Variants in DPH5 observed in about 807,000 individuals in gnomAD.
DPH5 encodes the protein diphthine methyl ester synthase.
Under a neutral mutation model 31.6 loss-of-function variants are expected in DPH5, and 31 were observed. The ratio of observed to expected loss-of-function variants is 0.98; its 90% CI spans 0.74 to 1.32. The LOEUF (loss-of-function observed/expected upper bound fraction) is 1.32, where lower values mean the gene tolerates loss of function less well. DPH5 is among the 40% of genes most tolerant of loss of function. The pLI is 0.00. For missense variants in DPH5, 309 were observed against 335.7 expected, an observed-to-expected ratio of 0.92 and a Z score of 0.62; for synonymous variants, 120 against 115.0, an observed-to-expected ratio of 1.04 and a Z score of -0.28.
intron 4 of DPH5, among the ~76,000 whole-genome samples, chr1:101,006,991 C>T (rs1427354607): frequency 6.7e-6 from 1 of 150,354 alleles, no homozygotes; most frequent in Admixed American, 6.6e-5. Flanking sequence ...CATTTATCTG[C>T]CTTTTAAAAT....
intron 5 of DPH5, among the ~76,000 whole-genome samples, chr1:100,999,673 T>C (rs1472825642): frequency 6.6e-6 from 1 of 151,846 alleles, no homozygotes; most frequent in Non-Finnish European, 1.5e-5. Flanking sequence ...ACCCCATCTT[T>C]ACTAAAAATA....
Position 101,025,305 on chromosome 1 carries a change from C to CT in DPH5, c.135+3dup, listed in dbSNP as rs1660743517. 1.2e-6 allele frequency: 2 copies of CT among 1,613,766 alleles called. No individual in the cohort carries two copies. Among genetic ancestry groups the CT allele is most frequent in the African/African-American group, 2.7e-5 (2 of 74,922 alleles). On this transcript the variant is annotated splice_donor_region_variant and intron_variant, in intron 2 of 7. Coordinates refer to ENST00000370109, the MANE Select transcript of DPH5 (RefSeq NM_015958.3). Reference sequence around the variant, plus strand: ...CAGGAGGCTGGGGAACGCTCAGCACCTACCAAGGCTTCCTTCCCTACAGTT... The same window carrying CT: ...CAGGAGGCTGGGGAACGCTCAGCACCTTACCAAGGCTTCCTTCCCTACAGTT...
chr1:101,022,201 T>C (rs1660507080), intron 2 of DPH5, among the ~76,000 whole-genome samples: 1 of 152,140 alleles, frequency 6.6e-6, no homozygotes, highest in African/African-American at 2.4e-5. Flanking sequence ...TTTTCAATGG[T>C]TAAACATATG....
intron 4 of DPH5, among the ~76,000 whole-genome samples, chr1:101,006,535 C>T (rs191246989): frequency 1.9e-4 from 29 of 152,126 alleles, no homozygotes; most frequent in South Asian, 1.0e-3. Flanking sequence ...TCTAAGACCA[C>T]GGAAGGATAT....
chr1:100,990,294 A>C lies in DPH5; in HGVS notation c.*114T>G. 1.1e-6 allele frequency: 1 copy of C among 950,104 alleles called. No individual in the cohort carries two copies. The highest frequency in any genetic ancestry group is 1.5e-5 in the South Asian group (1 of 65,744). 58.9% of individuals were successfully genotyped at this position (950,104 alleles called of 1,614,324 possible). A position where few individuals can be genotyped will look rare whatever the true frequency, so the allele number is the denominator to read the frequency against. ...CCATGATTCAATTACCTACCACAAC[A>C]CCTGGGAATTATGAGGATTAAAATT... On this transcript the variant is annotated 3_prime_UTR_variant, in exon 8 of 8. Coordinates refer to ENST00000370109, the MANE Select transcript of DPH5 (RefSeq NM_015958.3).
chr1:101,001,411 T>G, intron 5 of DPH5, 56 bp downstream of exon 5: 318 of 1,555,758 alleles, frequency 2.0e-4, no homozygotes, highest in Non-Finnish European at 2.6e-4. Flanking sequence ...AAAATCAAAA[T>G]GAGAACAGTA....
intron 5 of DPH5, among the ~76,000 whole-genome samples, chr1:101,000,649 C>T (rs556648469): frequency 6.6e-6 from 1 of 152,296 alleles, no homozygotes; most frequent in African/African-American, 2.4e-5. Flanking sequence ...AGTATCATTG[C>T]AAAGTCATCA....
At chr1:101,001,310 C>T (rs1435009119) in intron 5 of DPH5, among the ~76,000 whole-genome samples, 157 bp downstream of exon 5, 1 of 152,192 alleles carries the variant, frequency 6.6e-6, no homozygotes, top group East Asian at 1.9e-4. Context: ...ATGCGTGTCT[C>T]TCTAAGAGCA....
intron 2 of DPH5, among the ~76,000 whole-genome samples, 192 bp from the exon 3 acceptor site, chr1:101,021,957 TA>T (rs1207534091): frequency 6.6e-6 from 1 of 152,134 alleles, no homozygotes; most frequent in Non-Finnish European, 1.5e-5. Context: ...ATGTTGCAAT[TA>T]AACTCTGTAT....
chr1:101,025,009 C>G, intron 2 of DPH5: 1 of 279,592 alleles, frequency 3.6e-6, no homozygotes, highest in Middle Eastern at 1.1e-3. Context: ...GGTTTCTTGA[C>G]TACCTCATGA....
chr1:101,008,713 C>G (rs1051941892), intron 4 of DPH5, among the ~76,000 whole-genome samples: 1 of 152,224 alleles, frequency 6.6e-6, no homozygotes, highest in African/African-American at 2.4e-5. Flanking sequence ...CCAAGACTCT[C>G]TCTTTTAACT....
intron 2 of DPH5, among the ~76,000 whole-genome samples, chr1:101,022,608 T>G (rs1660538670): frequency 6.6e-6 from 1 of 152,192 alleles, no homozygotes; most frequent in Non-Finnish European, 1.5e-5. Context: ...AATAAGTAAT[T>G]CAAATGGAGT....
intron 3 of DPH5, among the ~76,000 whole-genome samples, chr1:101,020,122 A>G (rs1660342267): frequency 6.6e-6 from 1 of 152,170 alleles, no homozygotes; most frequent in African/African-American, 2.4e-5. Flanking sequence ...GCAATTAATT[A>G]CATCAAGGTA....
intron 7 of DPH5, among the ~76,000 whole-genome samples, chr1:100,992,030 G>A (rs1310177509): frequency 1.3e-5 from 2 of 151,832 alleles, no homozygotes; most frequent in African/African-American, 2.4e-5. Flanking sequence ...CCCAGGAGGT[G>A]GAGGCTGCAA....
At chr1:101,012,035 G>T (rs182957446) in intron 4 of DPH5, among the ~76,000 whole-genome samples, 3 of 151,710 alleles carry the variant, frequency 2.0e-5, no homozygotes, top group Non-Finnish European at 4.4e-5. Context: ...CCAGTAGCTG[G>T]GATTACAGGT....
At chr1:101,001,904 G>GA (rs199582123) in intron 4 of DPH5, among the ~76,000 whole-genome samples, 3,625 of 147,336 alleles carry the variant, frequency 0.025, 135 homozygotes, top group African/African-American at 0.081. Flanking sequence ...GAACCCAGGA[G>GA]AAAAAAAAAA....
At chr1:101,019,630 C>A (rs1408111684) in intron 3 of DPH5, among the ~76,000 whole-genome samples, 1 of 152,068 alleles carries the variant, frequency 6.6e-6, no homozygotes, top group Non-Finnish European at 1.5e-5. Flanking sequence ...TACCTGATTT[C>A]TCCTCCATTT....
At chr1:101,012,619 A>C (rs1659782007) in intron 4 of DPH5, among the ~76,000 whole-genome samples, 1 of 152,252 alleles carries the variant, frequency 6.6e-6, no homozygotes, top group African/African-American at 2.4e-5. Context: ...AAGGGTTTCA[A>C]AATGGGAAAA....
At chr1:101,011,045 T>C (rs113430209) in intron 4 of DPH5, among the ~76,000 whole-genome samples, 6 of 152,270 alleles carry the variant, frequency 3.9e-5, no homozygotes, top group African/African-American at 1.2e-4. Context: ...TAATAAATAC[T>C]AAGTCTGAGA....
Sources: allele counts gnomAD v4.1 joint callset (sites outside exome capture counted in the v4.1 genomes callset), GRCh38; gene constraint gnomAD v4.1.1; transcripts MANE v1.5; gene names NCBI Gene and HGNC (gene_info 2026-07-23, HGNC 2026-07-21).